The following CATSPERT variants were observed in gnomAD, a reference collection of about 807,000 sequenced individuals.
CATSPERT encodes the protein cation channel sperm-associated targeting subunit tau.
the CATSPERT span, among the ~76,000 whole-genome samples, chr2:201,531,375 T>C: frequency 6.6e-6 from 1 of 152,272 alleles, no homozygotes; most frequent in African/African-American, 2.4e-5. Context: ...TGTATGTCTT[T>C]GAGTTTAAAA....
the CATSPERT span, chr2:201,565,960 CT>C: frequency 1.6e-6 from 2 of 1,223,370 alleles, no homozygotes; most frequent in South Asian, 2.0e-5. Flanking sequence ...GAACCCTTCT[CT>C]TTTACACTTT....
At chr2:201,600,788 G>A in the CATSPERT span, among the ~76,000 whole-genome samples, 1 of 147,394 alleles carries the variant, frequency 6.8e-6, no homozygotes, top group African/African-American at 2.5e-5. Context: ...GTCCAGCTTT[G>A]TTGCCCAGGC....
chr2:201,492,482 C>G, the CATSPERT span: 1 of 1,534,804 alleles, frequency 6.5e-7, no homozygotes, highest in Non-Finnish European at 8.7e-7. Context: ...AACCTTCTAC[C>G]AAAACTCCCC....
chr2:201,584,138 A>G, the CATSPERT span, among the ~76,000 whole-genome samples: 1 of 151,934 alleles, frequency 6.6e-6, no homozygotes, highest in Non-Finnish European at 1.5e-5. Flanking sequence ...AAAAATACAA[A>G]AAGTAGCCAA....
At chr2:201,539,345 T>C in the CATSPERT span, among the ~76,000 whole-genome samples, 3 of 152,114 alleles carry the variant, frequency 2.0e-5, no homozygotes, top group Non-Finnish European at 4.4e-5. Flanking sequence ...TTTGACTTTT[T>C]AATAGTAGCC....
chr2:201,500,230 G>A, the CATSPERT span, among the ~76,000 whole-genome samples: 3 of 152,078 alleles, frequency 2.0e-5, no homozygotes, highest in African/African-American at 7.2e-5. Flanking sequence ...AACAGAGGCC[G>A]ACAGTCAGGT....
the CATSPERT span, among the ~76,000 whole-genome samples, chr2:201,525,843 A>G: frequency 1.3e-5 from 2 of 152,188 alleles, no homozygotes; most frequent in South Asian, 2.1e-4. Flanking sequence ...AAACACCTCT[A>G]TACACACAAG....
the CATSPERT span, among the ~76,000 whole-genome samples, chr2:201,615,288 T>C: frequency 7.2e-5 from 11 of 152,272 alleles, no homozygotes; most frequent in Admixed American, 3.3e-4. Context: ...TATTCCAAAA[T>C]TGACCACATA....
the CATSPERT span, among the ~76,000 whole-genome samples, chr2:201,601,317 G>GTGTGTGTGT: frequency 1.4e-3 from 180 of 128,056 alleles, 2 homozygotes; most frequent in East Asian, 5.7e-3. Flanking sequence ...TGTGTGTGTG[G>GTGTGTGTGT]GTTGTAATAA....
the CATSPERT span, among the ~76,000 whole-genome samples, chr2:201,614,252 A>G: frequency 8.5e-5 from 13 of 152,198 alleles, no homozygotes; most frequent in African/African-American, 3.1e-4. Context: ...CAAGATACAT[A>G]ATTGTCAGAT....
the CATSPERT span, chr2:201,547,567 T>A: frequency 6.4e-7 from 1 of 1,553,490 alleles, no homozygotes; most frequent in East Asian, 2.3e-5. Flanking sequence ...GCTTTATCTA[T>A]CCATGTATTC....
chr2:201,545,726 T>G, the CATSPERT span: 8 of 677,842 alleles, frequency 1.2e-5, no homozygotes, highest in Admixed American at 2.3e-4. Context: ...CTACTTTTAA[T>G]ACAATACACC....
chr2:201,582,763 T>G, the CATSPERT span, among the ~76,000 whole-genome samples: 1 of 152,238 alleles, frequency 6.6e-6, no homozygotes, highest in Non-Finnish European at 1.5e-5. Context: ...ACCATTATTA[T>G]GTAATCTTTA....
At chr2:201,596,278 G>A in the CATSPERT span, among the ~76,000 whole-genome samples, 4 of 152,126 alleles carry the variant, frequency 2.6e-5, no homozygotes, top group Non-Finnish European at 5.9e-5. Context: ...CTTTCCAGGG[G>A]CATGGATGGA....
the CATSPERT span, among the ~76,000 whole-genome samples, chr2:201,542,491 T>G: frequency 3.3e-5 from 5 of 152,190 alleles, no homozygotes; most frequent in Non-Finnish European, 5.9e-5. Flanking sequence ...CCCCCAACAG[T>G]GTACTAGGGT....
chr2:201,558,515 T>G, the CATSPERT span, among the ~76,000 whole-genome samples: 3 of 152,356 alleles, frequency 2.0e-5, no homozygotes, highest in South Asian at 6.2e-4. Flanking sequence ...CTCCTCTGTC[T>G]GGATCAGATC....
the CATSPERT span, among the ~76,000 whole-genome samples, chr2:201,539,511 GT>G: frequency 0.043 from 3,817 of 89,710 alleles, 172 homozygotes; most frequent in African/African-American, 0.15. Context: ...TTTTAACGAG[GT>G]TTTTTTTTTT....
At chr2:201,494,370 C>T in the CATSPERT span, 15 of 1,536,794 alleles carry the variant, frequency 9.8e-6, no homozygotes, top group East Asian at 4.9e-5. Flanking sequence ...TTAAAGACTT[C>T]GAGAGGTGAC....
At chr2:201,547,559 T>C in the CATSPERT span, 1 of 1,559,422 alleles carries the variant, frequency 6.4e-7, no homozygotes. Flanking sequence ...AATAGTTAGC[T>C]TTATCTATCC....
Sources: allele counts gnomAD v4.1 joint callset (sites outside exome capture counted in the v4.1 genomes callset), GRCh38; gene constraint gnomAD v4.1.1; transcripts MANE v1.5; gene names NCBI Gene and HGNC (gene_info 2026-07-23, HGNC 2026-07-21).